Variants in DPF3 observed in about 807,000 individuals in gnomAD.
DPF3 encodes double PHD fingers 3.
Under a neutral mutation model 56.8 loss-of-function variants are expected in DPF3, and 18 were observed. The observed-to-expected ratio is 0.32, with a 90% CI of 0.22 to 0.47. The LOEUF (loss-of-function observed/expected upper bound fraction) is 0.47, where lower values mean the gene tolerates loss of function less well. DPF3 is among the 20% of genes least tolerant of loss of function. The pLI is 1.00. For synonymous variants in DPF3, 188 were observed against 180.2 expected, an observed-to-expected ratio of 1.04 and a Z score of -0.35; for missense variants, 403 against 488.8, an observed-to-expected ratio of 0.82 and a Z score of 1.65.
intron 1 of DPF3, among the ~76,000 whole-genome samples, chr14:72,880,822 T>C (rs929934351): frequency 6.6e-6 from 1 of 152,158 alleles, no homozygotes; most frequent in African/African-American, 2.4e-5. Context: ...GGATTACAAG[T>C]ATGAGCCATT....
chr14:72,717,973 A>G (rs2153576144), intron 5 of DPF3, among the ~76,000 whole-genome samples: 1 of 152,298 alleles, frequency 6.6e-6, no homozygotes, highest in South Asian at 2.1e-4. Flanking sequence ...GCTCGGGAGT[A>G]GTCACCTGAT....
chr14:72,682,077 G>A lies in DPF3; in HGVS notation c.743-7709C>T, dbSNP rs181992437. On this transcript the variant is annotated intron_variant, in intron 7 of 10. Coordinates refer to ENST00000556509, the MANE Select transcript of DPF3 (RefSeq NM_001280542.3). ...AAAAATACAAAAATTAGCCAGGTGT[G>A]GTGGCACACACCTGTAATCCCAGCT... 2.1e-3 allele frequency among the ~76,000 whole-genome samples: 319 copies of A among 152,218 alleles called. 1 individual carries two copies. Among genetic ancestry groups the A allele is most frequent in the African/African-American group, 7.4e-3 (309 of 41,550 alleles).
chr14:72,732,013 G>A (rs1304287162), intron 3 of DPF3, 79 bp from the exon 4 acceptor site: 34 of 1,514,232 alleles, frequency 2.2e-5, no homozygotes, highest in Non-Finnish European at 2.9e-5. Flanking sequence ...AGGACACGCA[G>A]GGCCCAGGGC....
At chr14:72,647,874 C>T (rs1311213715) in intron 8 of DPF3, among the ~76,000 whole-genome samples, 4 of 152,174 alleles carry the variant, frequency 2.6e-5, no homozygotes, top group African/African-American at 9.7e-5. Context: ...GAGGCAGACA[C>T]CATCAATTCT....
intron 1 of DPF3, among the ~76,000 whole-genome samples, chr14:72,859,982 A>C (rs1885331643): frequency 1.4e-5 from 2 of 143,552 alleles, no homozygotes; most frequent in South Asian, 2.2e-4. Flanking sequence ...AAAAAAAAAA[A>C]CAGAAATGGT....
chr14:72,844,252 A>T (rs1187238260), intron 1 of DPF3, among the ~76,000 whole-genome samples: 1 of 152,244 alleles, frequency 6.6e-6, no homozygotes, highest in Non-Finnish European at 1.5e-5. Context: ...ACATCTGGAC[A>T]TTAAGACTAA....
rs367961631 is a variant in DPF3, at chr14:72,619,271, C to T, written c.*26G>A. On this transcript the variant is annotated 3_prime_UTR_variant, in exon 11 of 11. Coordinates refer to ENST00000556509, the MANE Select transcript of DPF3 (RefSeq NM_001280542.3). ...GGCTCTGCTTTAGGATCTCCAGCAG[C>T]GAGTCACATTCTGTGACCTGGGGCC... 751 of 1,535,212 alleles carry T rather than the reference C, an allele frequency of 4.9e-4. 11 individuals are homozygous for T. The South Asian group carries it at 8.2e-3, about 17-fold the overall frequency.
chr14:72,661,621 C>T, intron 8 of DPF3: 2 of 985,394 alleles, frequency 2.0e-6, no homozygotes, highest in African/African-American at 1.7e-5. Context: ...ACGCCCACTT[C>T]CGCCAGCTCA....
chr14:72,714,984 T>C (rs1022566527), intron 5 of DPF3, among the ~76,000 whole-genome samples: 11 of 152,208 alleles, frequency 7.2e-5, no homozygotes, highest in Non-Finnish European at 1.5e-4. Flanking sequence ...GAGCAAGGCC[T>C]GACGGGGGCA....
intron 1 of DPF3, among the ~76,000 whole-genome samples, chr14:72,822,570 A>G (rs1883601300): frequency 6.6e-6 from 1 of 152,212 alleles, no homozygotes; most frequent in Admixed American, 6.5e-5. Context: ...TCTATACTGA[A>G]AGACTAGGGT....
At chr14:72,891,832 G>GT in intron 1 of DPF3, among the ~76,000 whole-genome samples, 1 of 152,076 alleles carries the variant, frequency 6.6e-6, no homozygotes, top group African/African-American at 2.4e-5. Context: ...GGCGTTGTGT[G>GT]TATGCTAGTG....
intron 1 of DPF3, among the ~76,000 whole-genome samples, chr14:72,841,167 G>A (rs1287669317): frequency 1.4e-5 from 2 of 140,320 alleles, no homozygotes; most frequent in African/African-American, 5.3e-5. Context: ...GCTTGTTTGG[G>A]GGTCAGGGAA....
At chr14:72,851,220 C>CTCA (rs1555513097) in intron 1 of DPF3, among the ~76,000 whole-genome samples, 5 of 152,224 alleles carry the variant, frequency 3.3e-5, no homozygotes, top group African/African-American at 1.2e-4. Context: ...TCCTCAATCC[C>CTCA]TCATCAGCCT....
At chr14:72,822,954 C>G (rs1437140802) in intron 1 of DPF3, among the ~76,000 whole-genome samples, 1 of 152,182 alleles carries the variant, frequency 6.6e-6, no homozygotes, top group Non-Finnish European at 1.5e-5. Flanking sequence ...AGATCTCACC[C>G]AATTTCCCAG....
intron 1 of DPF3, among the ~76,000 whole-genome samples, chr14:72,782,519 C>A (rs1380038246): frequency 3.3e-5 from 5 of 152,182 alleles, no homozygotes; most frequent in African/African-American, 1.2e-4. Flanking sequence ...TCCACTATAA[C>A]CAGCCCCAGT....
chr14:72,835,787 C>T (rs944465653), intron 1 of DPF3, among the ~76,000 whole-genome samples: 1 of 152,162 alleles, frequency 6.6e-6, no homozygotes, highest in African/African-American at 2.4e-5. Context: ...GGCATACATG[C>T]AACTATGACT....
At chr14:72,839,448 C>T (rs916674545) in intron 1 of DPF3, among the ~76,000 whole-genome samples, 3 of 152,138 alleles carry the variant, frequency 2.0e-5, no homozygotes, top group Non-Finnish European at 4.4e-5. Flanking sequence ...TGAGTTCTTC[C>T]GTGATTAGCG....
At chr14:72,665,614 C>T (rs550625075) in intron 8 of DPF3, among the ~76,000 whole-genome samples, 23 of 152,324 alleles carry the variant, frequency 1.5e-4, no homozygotes, top group African/African-American at 5.3e-4. Context: ...AATGACTAAC[C>T]AGTATCGAGG....
chr14:72,672,029 C>CCACACACACA (rs368797206), intron 8 of DPF3, among the ~76,000 whole-genome samples: 5 of 145,634 alleles, frequency 3.4e-5, no homozygotes, highest in African/African-American at 1.3e-4. Flanking sequence ...CGTGTGCACA[C>CCACACACACA]CACACACACA....
Sources: allele counts gnomAD v4.1 joint callset (sites outside exome capture counted in the v4.1 genomes callset), GRCh38; gene constraint gnomAD v4.1.1; transcripts MANE v1.5; gene names NCBI Gene and HGNC (gene_info 2026-07-23, HGNC 2026-07-21).